PCNX1: variants seen among roughly 807,000 people sequenced by gnomAD.
PCNX1 encodes pecanex-like protein 1.
A neutral mutation model predicts 242.2 loss-of-function variants in PCNX1; 78 were observed. That is an observed-to-expected ratio of 0.32 (90% CI 0.27 to 0.39). PCNX1 has a LOEUF of 0.39. Ranked by LOEUF, PCNX1 falls within the 10% of genes least tolerant of loss-of-function variation. PCNX1 has a pLI of 1.00. For synonymous variants in PCNX1, 1,024 were observed against 1,032.9 expected, an observed-to-expected ratio of 0.99 and a Z score of 0.17; for missense variants, 2,581 against 2,856.5, an observed-to-expected ratio of 0.90 and a Z score of 2.20.
Position 71,028,976 on chromosome 14 carries a change from C to T in PCNX1, c.3558+185C>T, listed in dbSNP as rs3814870. Among the ~76,000 whole-genome samples the T allele has an allele frequency of 9.0e-3, 1,364 of 152,112 alleles. 10 individuals are homozygous for T. The highest frequency in any genetic ancestry group is 0.012 in the Non-Finnish European group (841 of 67,934). On this transcript the variant is annotated intron_variant, in intron 16 of 35. Coordinates refer to ENST00000304743, the MANE Select transcript of PCNX1 (RefSeq NM_014982.3). The stretch of plus-strand genomic sequence containing the variant: ...AATTTGAAAGTAGTTTAATAGTTAA[C>T]CATTACTAAAAGAAAATTATTTTTC...
At chr14:71,026,977 C>T in intron 15 of PCNX1, 95 bp downstream of exon 15, 2 of 570,668 alleles carry the variant, frequency 3.5e-6, no homozygotes, top group Non-Finnish European at 6.1e-6. Context: ...CCAGTTTTCA[C>T]TTCAGGCTTG....
Position 71,108,922 on chromosome 14 carries a change from C to T in PCNX1, c.6620C>T (p.Thr2207Ile). The T allele has an allele frequency of 6.2e-7, 1 of 1,614,236 alleles. No individual in the cohort carries two copies. Among genetic ancestry groups the T allele is most frequent in the Non-Finnish European group, 8.5e-7 (1 of 1,180,034 alleles). The change falls in exon 34 of 36, where the codon ACT (threonine) becomes ATT (isoleucine). Residue 2207 changes from threonine (T) to isoleucine (I), a missense_variant. Physicochemically the swap from Thr to Ile is moderately conservative, Grantham distance 89. Coordinates refer to ENST00000304743, the MANE Select transcript of PCNX1 (RefSeq NM_014982.3). ...SQSIPACKHHTLVGFLATEGG... is the reference protein window; with the variant it reads ...SQSIPACKHHILVGFLATEGG... ...AGCATCCCAGCCTGCAAACATCACA[C>T]TCTCGTGGGCTTTCTTGCGACAGAG... is the stretch of plus-strand genomic sequence containing the variant.
At chr14:71,023,063 G>C (rs2060147440) in intron 12 of PCNX1, 137 bp from the exon 13 acceptor site, 6 of 679,630 alleles carry the variant, frequency 8.8e-6, no homozygotes, top group Non-Finnish European at 1.6e-5. Context: ...TTCATCTCTG[G>C]AACAGAATTA....
intron 26 of PCNX1, among the ~76,000 whole-genome samples, chr14:71,068,407 T>C (rs934701513): frequency 6.7e-6 from 1 of 149,392 alleles, no homozygotes; most frequent in African/African-American, 2.4e-5. Flanking sequence ...TATACGTATA[T>C]ATATGTATTT....
intron 11 of PCNX1, among the ~76,000 whole-genome samples, chr14:71,014,652 C>G (rs1031604167): frequency 6.6e-6 from 1 of 151,784 alleles, no homozygotes; most frequent in Non-Finnish European, 1.5e-5. Flanking sequence ...TGAACTCACT[C>G]GAAGGCATAA....
intron 1 of PCNX1, among the ~76,000 whole-genome samples, chr14:70,921,738 C>T (rs2140093723): frequency 6.6e-6 from 1 of 152,196 alleles, no homozygotes; most frequent in South Asian, 2.1e-4. Context: ...CTAGATTCCA[C>T]TATTATGAAC....
intron 5 of PCNX1, among the ~76,000 whole-genome samples, chr14:70,973,810 A>G (rs893123736): frequency 1.3e-5 from 2 of 152,130 alleles, no homozygotes; most frequent in East Asian, 3.9e-4. Flanking sequence ...AAAAATTTAG[A>G]CCTCTGCCAC....
At chr14:71,081,809 A>G (rs1163933913) in intron 28 of PCNX1, among the ~76,000 whole-genome samples, 1 of 152,148 alleles carries the variant, frequency 6.6e-6, no homozygotes, top group Non-Finnish European at 1.5e-5. Flanking sequence ...TCAAAAAACC[A>G]GCTCCTGGAT....
chr14:71,080,627 T>C (rs1347288731), intron 28 of PCNX1, among the ~76,000 whole-genome samples: 1 of 152,200 alleles, frequency 6.6e-6, no homozygotes, highest in Non-Finnish European at 1.5e-5. Context: ...TTATTCTCTT[T>C]GTAGCAATTG....
chr14:71,068,172 CA>C (rs917203983), intron 26 of PCNX1, among the ~76,000 whole-genome samples: 6 of 149,854 alleles, frequency 4.0e-5, no homozygotes, highest in Admixed American at 1.3e-4. Flanking sequence ...ACTAAAAATA[CA>C]AAAAAAAATT....
At chr14:71,047,163 C>T (rs886287718) in intron 21 of PCNX1, 58 bp downstream of exon 21, 1 of 1,020,476 alleles carries the variant, frequency 9.8e-7, no homozygotes, top group South Asian at 2.4e-5. Flanking sequence ...TAAACAATGT[C>T]TTAAGTTGTT....
At chr14:71,066,052 C>G (rs1486500973) in intron 26 of PCNX1, among the ~76,000 whole-genome samples, 1 of 152,160 alleles carries the variant, frequency 6.6e-6, no homozygotes, top group South Asian at 2.1e-4. Flanking sequence ...AGCATGATGC[C>G]TCCAGCTTTG....
intron 6 of PCNX1, among the ~76,000 whole-genome samples, chr14:70,979,790 C>G (rs940627289): frequency 1.3e-5 from 2 of 151,986 alleles, no homozygotes; most frequent in Admixed American, 6.6e-5. Flanking sequence ...GGTCAAGTTT[C>G]TAGCCAGATT....
intron 11 of PCNX1, among the ~76,000 whole-genome samples, chr14:71,016,561 G>C (rs1438018839): frequency 6.6e-6 from 1 of 152,032 alleles, no homozygotes; most frequent in African/African-American, 2.4e-5. Flanking sequence ...TGAATTAAAT[G>C]GTAAATTAAT....
chr14:71,017,822 T>G (rs2059998648), intron 11 of PCNX1, among the ~76,000 whole-genome samples: 1 of 152,230 alleles, frequency 6.6e-6, no homozygotes, highest in Non-Finnish European at 1.5e-5. Flanking sequence ...TTTATTGGTT[T>G]GGAAATACTA....
chr14:71,089,779 T>C (rs2062082401), intron 30 of PCNX1, among the ~76,000 whole-genome samples: 1 of 152,236 alleles, frequency 6.6e-6, no homozygotes, highest in Admixed American at 6.5e-5. Flanking sequence ...CCACACCATA[T>C]GAGCTTCCAA....
intron 6 of PCNX1, among the ~76,000 whole-genome samples, chr14:70,984,903 A>G (rs2058952770): frequency 6.6e-6 from 1 of 152,204 alleles, no homozygotes; most frequent in Non-Finnish European, 1.5e-5. Context: ...ATACTACCAT[A>G]AAAAATAAAT....
chr14:71,083,153 T>G (rs533762880), intron 28 of PCNX1, among the ~76,000 whole-genome samples: 26 of 152,334 alleles, frequency 1.7e-4, no homozygotes, highest in African/African-American at 6.0e-4. Context: ...TGAAAATTCT[T>G]TTCTTTAAGA....
At chr14:70,955,787 C>G (rs1018580333) in intron 2 of PCNX1, among the ~76,000 whole-genome samples, 1 of 152,058 alleles carries the variant, frequency 6.6e-6, no homozygotes, top group African/African-American at 2.4e-5. Flanking sequence ...ATATTTAGAA[C>G]ATCTACAGCT....
Sources: gnomAD v4.1 joint callset for allele counts (sites outside exome capture counted in the v4.1 genomes callset) on GRCh38, gnomAD v4.1.1 for gene constraint, MANE v1.5 for transcripts, NCBI Gene and HGNC (gene_info 2026-07-23, HGNC 2026-07-21) for gene names.